The following STK32B variants were observed in gnomAD, a reference collection of about 807,000 sequenced individuals.
STK32B encodes the protein serine/threonine kinase 32B, also known as serine/threonine-protein kinase 32B.
STK32B carries 43 observed loss-of-function variants against 52.6 expected under a neutral mutation model. The observed-to-expected ratio is 0.82, with a 90% CI of 0.64 to 1.05. The LOEUF (loss-of-function observed/expected upper bound fraction) is 1.05. STK32B is among the 50% of genes least tolerant of loss of function. The pLI is 0.00. For synonymous variants in STK32B, 238 were observed against 204.3 expected (o/e 1.17, Z -1.41); for missense variants, 621 against 534.6 (o/e 1.16, Z -1.59).
At chr4:5,063,205 C>G (rs1044724114) in intron 1 of STK32B, among the ~76,000 whole-genome samples, 3 of 152,190 alleles carry the variant, frequency 2.0e-5, no homozygotes, top group African/African-American at 7.2e-5. Context: ...AATTTACACT[C>G]TGGCAAGCCA....
At chr4:5,106,361 CT>C (rs1714107818) in intron 1 of STK32B, among the ~76,000 whole-genome samples, 1 of 152,150 alleles carries the variant, frequency 6.6e-6, no homozygotes. Context: ...TATGAAAATG[CT>C]TCTAAAGTTT....
At chr4:5,133,212 G>C (rs1359150814) in intron 1 of STK32B, among the ~76,000 whole-genome samples, 1 of 152,238 alleles carries the variant, frequency 6.6e-6, no homozygotes, top group African/African-American at 2.4e-5. Context: ...CCGGTACGTA[G>C]TAGAGGGCCT....
chr4:5,485,435 C>T (rs559322613), intron 11 of STK32B, among the ~76,000 whole-genome samples: 1 of 152,146 alleles, frequency 6.6e-6, no homozygotes, highest in African/African-American at 2.4e-5. Flanking sequence ...GTTTTCAGCT[C>T]TATCAGGTCC....
chr4:5,481,845 A>C (rs565609930), intron 11 of STK32B, among the ~76,000 whole-genome samples: 32 of 152,024 alleles, frequency 2.1e-4, no homozygotes, highest in African/African-American at 5.3e-4. Flanking sequence ...ATAGGGAATC[A>C]TTTCCCCATT....
intron 3 of STK32B, among the ~76,000 whole-genome samples, chr4:5,292,209 A>C (rs892557874): frequency 2.6e-5 from 4 of 152,138 alleles, no homozygotes; most frequent in Non-Finnish European, 5.9e-5. Context: ...AGCTCTTTGA[A>C]GAGTCTCCAA....
In STK32B at chr4:5,222,581, G is replaced by C. The variant is rs569735647; in HGVS notation, c.260+54131G>C. Among the ~76,000 whole-genome samples, 6 of 152,282 alleles carry C rather than the reference G, an allele frequency of 3.9e-5. No individual in the cohort carries two copies. The South Asian group carries it at 1.2e-3, about 32-fold the overall frequency. ...TTTGTTACACAATGACAAAGAACTTGGCTGAATTGTGTCTGTTCCTTGGGA... is the reference window on the plus strand; with the variant it reads ...TTTGTTACACAATGACAAAGAACTTCGCTGAATTGTGTCTGTTCCTTGGGA... On this transcript the variant is annotated intron_variant, in intron 3 of 11. Transcript: ENST00000282908.
At chr4:5,110,014 G>GA (rs35239859) in intron 1 of STK32B, among the ~76,000 whole-genome samples, 63,650 of 147,172 alleles carry the variant, frequency 0.43, 14,267 homozygotes, top group South Asian at 0.58. Context: ...AATAGCCACA[G>GA]AAAAAAAAAA....
chr4:5,488,712 A>G (rs1200999599), intron 11 of STK32B, among the ~76,000 whole-genome samples: 1 of 152,084 alleles, frequency 6.6e-6, no homozygotes, highest in Admixed American at 6.6e-5. Flanking sequence ...TTCTCATTCA[A>G]AATTAGTCTC....
chr4:5,023,231 G>T, the STK32B span, among the ~76,000 whole-genome samples: 1 of 152,130 alleles, frequency 6.6e-6, no homozygotes, highest in Non-Finnish European at 1.5e-5. Flanking sequence ...TCATAAATTC[G>T]TGATGCTTGG....
chr4:5,296,271 A>G (rs1481955447), intron 3 of STK32B, among the ~76,000 whole-genome samples: 2 of 152,198 alleles, frequency 1.3e-5, no homozygotes, highest in East Asian at 1.9e-4. Context: ...GTAGATGTCT[A>G]TTAGGTTCAC....
chr4:5,268,316 T>G (rs1462540705), intron 3 of STK32B, among the ~76,000 whole-genome samples: 3 of 152,204 alleles, frequency 2.0e-5, no homozygotes, highest in Non-Finnish European at 4.4e-5. Flanking sequence ...GCAAATGTGC[T>G]AAGCTCATTC....
chr4:5,177,539 A>G lies in STK32B; in HGVS notation c.260+9089A>G, dbSNP rs563904656. Among the ~76,000 whole-genome samples, 34 of 152,266 alleles carry G rather than the reference A, an allele frequency of 2.2e-4. 2 individuals carry two copies. The South Asian group carries it at 6.4e-3, about 29-fold the overall frequency. ...TTCAAAGCACAATCATGCCTTCCCA[A>G]CAGTCCCCCAAAGTCTTAACTTATT... On this transcript the variant is annotated intron_variant, in intron 3 of 11. Transcript: ENST00000282908.
At chr4:5,278,008 G>C (rs142304718) in intron 3 of STK32B, among the ~76,000 whole-genome samples, 1 of 152,128 alleles carries the variant, frequency 6.6e-6, no homozygotes, top group Non-Finnish European at 1.5e-5. Flanking sequence ...CCACCATAAG[G>C]CTGCCTAAAT....
At chr4:5,468,189 G>C in intron 11 of STK32B, 119 bp downstream of exon 11, 1 of 980,508 alleles carries the variant, frequency 1.0e-6, no homozygotes, top group South Asian at 1.4e-5. Flanking sequence ...GGAAGGTATC[G>C]CTGAGGTGAG....
intron 2 of STK32B, among the ~76,000 whole-genome samples, chr4:5,162,922 C>G (rs769173204): frequency 2.0e-5 from 3 of 152,202 alleles, no homozygotes; most frequent in Non-Finnish European, 2.9e-5. Context: ...ACATCAGTTT[C>G]AGCAGATCCC....
intron 2 of STK32B, among the ~76,000 whole-genome samples, chr4:5,165,208 G>T (rs1718775391): frequency 6.6e-6 from 1 of 152,162 alleles, no homozygotes; most frequent in South Asian, 2.1e-4. Flanking sequence ...AGCTGGCCAA[G>T]ACCCCTGATC....
chr4:5,404,395 T>C (rs76167387), intron 5 of STK32B, among the ~76,000 whole-genome samples: 1,576 of 152,216 alleles, frequency 0.01, 37 homozygotes, highest in African/African-American at 0.035. Context: ...AGGACACTCA[T>C]CATACTGAAT....
chr4:5,116,211 A>T (rs1246649307), intron 1 of STK32B, among the ~76,000 whole-genome samples: 1 of 149,994 alleles, frequency 6.7e-6, no homozygotes, highest in African/African-American at 2.5e-5. Flanking sequence ...CGCACACGGG[A>T]TATTTTCCTA....
intron 1 of STK32B, among the ~76,000 whole-genome samples, chr4:5,122,317 TTCAGTCACCCATTC>T (rs1715081523): frequency 1.3e-5 from 2 of 149,406 alleles, no homozygotes; most frequent in African/African-American, 5.1e-5. Context: ...ACCTCATTAA[TTCAGTCACCCATTC>T]ACTCATTCAT....
Sources: allele counts gnomAD v4.1 joint callset (sites outside exome capture counted in the v4.1 genomes callset), GRCh38; gene constraint gnomAD v4.1.1; transcripts MANE v1.5; gene names NCBI Gene and HGNC (gene_info 2026-07-23, HGNC 2026-07-21).